Variants in EBPL observed in about 807,000 individuals in gnomAD.
EBPL encodes emopamil-binding protein-like.
Under a neutral mutation model 19.0 loss-of-function variants are expected in EBPL, and 20 were observed. That is an observed-to-expected ratio of 1.05 (90% CI 0.74 to 1.53). The LOEUF (loss-of-function observed/expected upper bound fraction) is 1.53. Among genes scored for constraint, EBPL ranks in the 40% most tolerant of loss-of-function variants. EBPL has a pLI of 0.00. For missense variants in EBPL, 219 were observed against 261.1 expected (o/e 0.84, Z 1.11); for synonymous variants, 107 against 117.0 (o/e 0.91, Z 0.55).
At chr13:49,676,460 C>T (rs926128253) in intron 1 of EBPL, among the ~76,000 whole-genome samples, 27 of 151,994 alleles carry the variant, frequency 1.8e-4, no homozygotes, top group African/African-American at 5.8e-4. Flanking sequence ...GGCGTGGTGG[C>T]GGGCACCTGT....
intron 1 of EBPL, among the ~76,000 whole-genome samples, chr13:49,684,668 T>C (rs1953978810): frequency 6.6e-6 from 1 of 152,160 alleles, no homozygotes; most frequent in Non-Finnish European, 1.5e-5. Context: ...AGAGTGAGAC[T>C]GTCTCAAAAA....
At chr13:49,671,833 A>G (rs1311650686) in intron 1 of EBPL, among the ~76,000 whole-genome samples, 1 of 152,226 alleles carries the variant, frequency 6.6e-6, no homozygotes, top group African/African-American at 2.4e-5. Context: ...ACCAGGTTGC[A>G]GACCTTTCCA....
At chr13:49,688,604 A>G (rs1014846301) in intron 1 of EBPL, among the ~76,000 whole-genome samples, 10 of 151,606 alleles carry the variant, frequency 6.6e-5, no homozygotes, top group Non-Finnish European at 1.2e-4. Context: ...CTGTAGTCCC[A>G]GCTACTCAGG....
At chr13:49,689,308 A>T (rs918323973) in intron 1 of EBPL, among the ~76,000 whole-genome samples, 1 of 152,206 alleles carries the variant, frequency 6.6e-6, no homozygotes, top group African/African-American at 2.4e-5. Flanking sequence ...CATATAGTTT[A>T]AGTATTTTTA....
intron 1 of EBPL, among the ~76,000 whole-genome samples, chr13:49,682,967 T>A (rs937838664): frequency 6.6e-6 from 1 of 152,120 alleles, no homozygotes; most frequent in African/African-American, 2.4e-5. Context: ...ATTCATTCTT[T>A]CATTCATTCA....
chr13:49,681,429 T>C (rs1219872816), intron 1 of EBPL, among the ~76,000 whole-genome samples: 1 of 152,158 alleles, frequency 6.6e-6, no homozygotes, highest in African/African-American at 2.4e-5. Flanking sequence ...TAGCTGAGAT[T>C]ACAGGCACAC....
At chr13:49,668,671 T>TA (rs144094067) in intron 2 of EBPL, 60,528 of 360,840 alleles carry the variant, frequency 0.17, 5,734 homozygotes, top group East Asian at 0.6. Flanking sequence ...TATAAAGTGG[T>TA]AAAAAAAAAT....
intron 1 of EBPL, among the ~76,000 whole-genome samples, chr13:49,675,218 C>G (rs749272130): frequency 1.5e-4 from 23 of 152,288 alleles, no homozygotes; most frequent in Non-Finnish European, 3.2e-4. Context: ...TTTGCTCCTG[C>G]GTTACAAACC....
At chr13:49,673,859 G>C (rs1953845058) in intron 1 of EBPL, among the ~76,000 whole-genome samples, 1 of 151,986 alleles carries the variant, frequency 6.6e-6, no homozygotes, top group African/African-American at 2.4e-5. Context: ...AGTTATAAAA[G>C]GAAAACACTA....
At chr13:49,675,154 C>T (rs1416196287) in intron 1 of EBPL, among the ~76,000 whole-genome samples, 1 of 152,196 alleles carries the variant, frequency 6.6e-6, no homozygotes, top group East Asian at 1.9e-4. Flanking sequence ...AGTGTATTCA[C>T]ACAAACCTAG....
At chr13:49,667,484 T>C (rs1965245307) in intron 2 of EBPL, among the ~76,000 whole-genome samples, 1 of 152,148 alleles carries the variant, frequency 6.6e-6, no homozygotes, top group Admixed American at 6.5e-5. Flanking sequence ...ACACAGGTCA[T>C]CATCAGAAGG....
chr13:49,674,674 TG>T (rs2137497008), intron 1 of EBPL, among the ~76,000 whole-genome samples: 1 of 151,830 alleles, frequency 6.6e-6, no homozygotes, highest in Non-Finnish European at 1.5e-5. Flanking sequence ...ATTGTCTAGT[TG>T]GATAACAATG....
intron 1 of EBPL, among the ~76,000 whole-genome samples, chr13:49,686,216 G>A (rs946961145): frequency 6.6e-5 from 10 of 152,290 alleles, no homozygotes; most frequent in Non-Finnish European, 1.3e-4. Context: ...GCTGCCTGCC[G>A]CGTCTGCACT....
chr13:49,667,352 C>G (rs917085350), intron 2 of EBPL, among the ~76,000 whole-genome samples: 1 of 152,080 alleles, frequency 6.6e-6, no homozygotes, highest in South Asian at 2.1e-4. Flanking sequence ...AACTAAGGGT[C>G]GGGGTAGATT....
At chr13:49,688,669 A>C (rs1954026535) in intron 1 of EBPL, among the ~76,000 whole-genome samples, 1 of 146,304 alleles carries the variant, frequency 6.8e-6, no homozygotes, top group Non-Finnish European at 1.5e-5. Context: ...CAGCGAGCCG[A>C]GATTGCGCCA....
chr13:49,671,921 T>A (rs569025464), intron 1 of EBPL, among the ~76,000 whole-genome samples: 31 of 152,314 alleles, frequency 2.0e-4, no homozygotes, highest in Admixed American at 6.5e-4. Flanking sequence ...CTATAACAAA[T>A]CCGTTTCCTT....
intron 1 of EBPL, among the ~76,000 whole-genome samples, chr13:49,679,709 G>T (rs184004826): frequency 3.0e-4 from 45 of 152,088 alleles, no homozygotes; most frequent in Non-Finnish European, 5.0e-4. Context: ...CTCGTTATGT[G>T]GTTGAGGTTG....
Position 49,662,451 on chromosome 13 carries a change from C to T in EBPL, c.380+606G>A, listed in dbSNP as rs538776560. ...AATGATTTGGGGGGAAAAGGATGGA[C>T]GTATTATGGTTTTATTCTCCAAAGT... On this transcript the variant is annotated intron_variant, in intron 3 of 3. Coordinates refer to ENST00000242827, the MANE Select transcript of EBPL (RefSeq NM_032565.5). Among the ~76,000 whole-genome samples the T allele has an allele frequency of 5.9e-5, 9 of 152,226 alleles. 1 individual carries two copies. The highest frequency in any genetic ancestry group is 2.2e-4 in the African/African-American group (9 of 41,536).
At chr13:49,669,404 G>A (rs1056555294) in intron 2 of EBPL, among the ~76,000 whole-genome samples, 3 of 152,128 alleles carry the variant, frequency 2.0e-5, no homozygotes, top group Non-Finnish European at 4.4e-5. Context: ...GTCTTGCTAT[G>A]TTGCCCAGGC....
Sources: gnomAD v4.1 joint callset for allele counts (sites outside exome capture counted in the v4.1 genomes callset) on GRCh38, gnomAD v4.1.1 for gene constraint, MANE v1.5 for transcripts, NCBI Gene and HGNC (gene_info 2026-07-23, HGNC 2026-07-21) for gene names.